Variants in MSH4 observed in about 807,000 individuals in gnomAD.
MSH4 encodes mutS homolog 4, also known as mutS protein homolog 4.
MSH4 carries 106 observed loss-of-function variants against 113.7 expected under a neutral mutation model. The ratio of observed to expected loss-of-function variants is 0.93; its 90% CI spans 0.80 to 1.10. MSH4 has a LOEUF of 1.10. Among genes scored for constraint, MSH4 ranks in the 50% least tolerant of loss-of-function variants. The pLI is 0.00. For missense variants in MSH4, 1,061 were observed against 1,093.7 expected (o/e 0.97, Z 0.42); for synonymous variants, 368 against 380.2 (o/e 0.97, Z 0.37).
chr1:75,847,717 G>A (rs958054744), intron 7 of MSH4, among the ~76,000 whole-genome samples: 4 of 152,164 alleles, frequency 2.6e-5, no homozygotes, highest in African/African-American at 9.7e-5. Flanking sequence ...AGAGCAAAAT[G>A]AGGGGCATCC....
intron 14 of MSH4, among the ~76,000 whole-genome samples, chr1:75,882,229 A>G (rs988212342): frequency 6.6e-6 from 1 of 152,104 alleles, no homozygotes; most frequent in Non-Finnish European, 1.5e-5. Flanking sequence ...TTTTTAAACT[A>G]TTAAGAGATT....
rs1212753102 is a variant in MSH4 at position 75,812,182 on chromosome 1, G to C, written c.699+1375G>C. The stretch of plus-strand genomic sequence containing the variant: ...ATGTATTGGCTTATGTAACTGGGAA[G>C]TCAATGGTTGAATAGATCCTGTTCC... On this transcript the variant is annotated intron_variant, in intron 4 of 19. Coordinates refer to ENST00000263187, the MANE Select transcript of MSH4 (RefSeq NM_002440.4). Among the ~76,000 whole-genome samples the C allele has an allele frequency of 2.6e-5, 4 of 152,150 alleles. No individual in the cohort carries two copies. The East Asian group carries it at 7.7e-4, about 29-fold the overall frequency.
intron 7 of MSH4, among the ~76,000 whole-genome samples, chr1:75,829,331 C>G (rs2100528157): frequency 6.6e-6 from 1 of 152,314 alleles, no homozygotes; most frequent in South Asian, 2.1e-4. Context: ...GGAGGCCTGC[C>G]TTGCCTCTGT....
chr1:75,901,249 G>GAA, intron 19 of MSH4, among the ~76,000 whole-genome samples: 1 of 152,176 alleles, frequency 6.6e-6, no homozygotes, highest in South Asian at 2.1e-4. Context: ...TCGTACACTA[G>GAA]ACTATTTCTT....
At chr1:75,836,441 G>T (rs1650830476) in intron 7 of MSH4, among the ~76,000 whole-genome samples, 1 of 151,656 alleles carries the variant, frequency 6.6e-6, no homozygotes, top group Non-Finnish European at 1.5e-5. Context: ...TGATACTATA[G>T]GCCTCTGCCA....
intron 1 of MSH4, 71 bp downstream of exon 1, chr1:75,797,300 G>A: frequency 5.9e-6 from 9 of 1,512,958 alleles, no homozygotes; most frequent in South Asian, 4.9e-5. Flanking sequence ...TCGGGGGCAC[G>A]TGGGTGGTGG....
intron 11 of MSH4, among the ~76,000 whole-genome samples, 164 bp from the exon 12 acceptor site, chr1:75,878,828 G>GA (rs71793168): frequency 0.022 from 3,153 of 140,252 alleles, 100 homozygotes; most frequent in African/African-American, 0.076. Context: ...GATCTGTCTT[G>GA]AAAAAAAAAA....
chr1:75,863,948 C>T (rs551995081), intron 8 of MSH4, among the ~76,000 whole-genome samples: 2 of 152,240 alleles, frequency 1.3e-5, no homozygotes, highest in South Asian at 2.1e-4. Context: ...CAACCACTCA[C>T]GTAAAGAAAT....
chr1:75,908,047 T>G (rs1362218239), intron 19 of MSH4, among the ~76,000 whole-genome samples: 1 of 150,984 alleles, frequency 6.6e-6, no homozygotes, highest in African/African-American at 2.4e-5. Context: ...ATCTATTTCT[T>G]TTTTGGAGAG....
At position 75,867,601 on chromosome 1, in the gene MSH4, T is replaced by G; in HGVS notation, c.1305+13T>G. ...GGATCCTTTAAAGGTAATTTATGTG[T>G]GTGTATCGTACAAAACATGTCCAGC... is the stretch of plus-strand genomic sequence containing the variant. On this transcript the variant is annotated intron_variant, in intron 9 of 19. Transcript: ENST00000263187. The G allele has an allele frequency of 6.7e-7, 1 of 1,497,944 alleles. No individual in the cohort carries two copies. Among genetic ancestry groups the G allele is most frequent in the Non-Finnish European group, 9.1e-7 (1 of 1,094,156 alleles). 92.8% of individuals were successfully genotyped at this position (1,497,944 alleles called of 1,614,324 possible).
rs879308615 is a variant in MSH4, at chr1:75,907,685, T to TCTCTCTCTAC, written c.2620-5011_2620-5010insCTCTCTCTAC. 9.9e-5 allele frequency among the ~76,000 whole-genome samples: 6 copies of TCTCTCTCTAC among 60,908 alleles called. 1 individual carries two copies. Among genetic ancestry groups the TCTCTCTCTAC allele is most frequent in the Admixed American group, 7.9e-4 (4 of 5,054 alleles). 40.0% of individuals were successfully genotyped at this position (60,908 alleles called of 152,430 possible). A position where few individuals can be genotyped will look rare whatever the true frequency, so the allele number is the denominator to read the frequency against. ...ATCTCTCTCTCTCTCTCTCTCTCTCTATACATATATATATATATATATATA... is the reference window on the plus strand; with the variant it reads ...ATCTCTCTCTCTCTCTCTCTCTCTCTCTCTCTCTACATACATATATATATATATATATATA... On this transcript the variant is annotated intron_variant, in intron 19 of 19. Coordinates refer to ENST00000263187, the MANE Select transcript of MSH4 (RefSeq NM_002440.4).
At chr1:75,842,955 C>A (rs927585891) in intron 7 of MSH4, among the ~76,000 whole-genome samples, 7 of 152,186 alleles carry the variant, frequency 4.6e-5, no homozygotes, top group African/African-American at 1.7e-4. Flanking sequence ...GGTCACACTC[C>A]TAGTCTGCCT....
At chr1:75,887,013 A>G (rs927649118) in intron 15 of MSH4, among the ~76,000 whole-genome samples, 1 of 151,790 alleles carries the variant, frequency 6.6e-6, no homozygotes, top group Non-Finnish European at 1.5e-5. Context: ...TTTCTATAAA[A>G]TGAGGAAAGT....
chr1:75,838,621 G>A (rs905474365), intron 7 of MSH4, among the ~76,000 whole-genome samples: 10 of 152,084 alleles, frequency 6.6e-5, no homozygotes, highest in African/African-American at 2.4e-4. Context: ...CTATATAGCT[G>A]TTTTCCTGTA....
At chr1:75,797,853 G>A (rs555152030) in intron 1 of MSH4, among the ~76,000 whole-genome samples, 1 of 152,312 alleles carries the variant, frequency 6.6e-6, no homozygotes, top group East Asian at 1.9e-4. Flanking sequence ...GGTTGAGGTG[G>A]GAGGATGGCG....
intron 8 of MSH4, among the ~76,000 whole-genome samples, chr1:75,850,720 T>TTTTTGTTTTG (rs756957053): frequency 6.6e-6 from 1 of 152,116 alleles, no homozygotes. Context: ...GTTTTACGTT[T>TTTTTGTTTTG]TTTTGTTTTG....
intron 7 of MSH4, among the ~76,000 whole-genome samples, chr1:75,847,916 G>A (rs765068312): frequency 2.0e-5 from 3 of 152,038 alleles, no homozygotes; most frequent in African/African-American, 4.8e-5. Flanking sequence ...TCCCAACATC[G>A]CCACACTAGG....
At chr1:75,844,695 A>T (rs1367979712) in intron 7 of MSH4, among the ~76,000 whole-genome samples, 1 of 152,240 alleles carries the variant, frequency 6.6e-6, no homozygotes, top group African/African-American at 2.4e-5. Flanking sequence ...AATTTTCTAT[A>T]AATTTATTTT....
chr1:75,890,685 A>T lies in MSH4; in HGVS notation c.2227-11A>T. The T allele has an allele frequency of 7.2e-7, 1 of 1,383,510 alleles. No individual in the cohort carries two copies. The highest frequency in any genetic ancestry group is 9.9e-7 in the Non-Finnish European group (1 of 1,011,228). 85.7% of individuals were successfully genotyped at this position (1,383,510 alleles called of 1,614,324 possible). A position where few individuals can be genotyped will look rare whatever the true frequency, so the allele number is the denominator to read the frequency against. On this transcript the variant is annotated splice_polypyrimidine_tract_variant and intron_variant, in intron 16 of 19. Coordinates refer to ENST00000263187, the MANE Select transcript of MSH4 (RefSeq NM_002440.4). ...GTTACAATGAATAAATATTAAAATT[A>T]TATATTTCAGATAGCATATATTCTA...
Sources: gnomAD v4.1 joint callset for allele counts (sites outside exome capture counted in the v4.1 genomes callset) on GRCh38, gnomAD v4.1.1 for gene constraint, MANE v1.5 for transcripts, NCBI Gene and HGNC (gene_info 2026-07-23, HGNC 2026-07-21) for gene names.